HECW2: variants seen among roughly 807,000 people sequenced by gnomAD.
HECW2 encodes the protein E3 ubiquitin-protein ligase HECW2.
Under a neutral mutation model 175.2 loss-of-function variants are expected in HECW2, and 61 were observed. That is an observed-to-expected ratio of 0.35 (90% CI 0.28 to 0.43). The LOEUF is 0.43. Among genes scored for constraint, HECW2 ranks in the 20% least tolerant of loss-of-function variants. The probability of loss-of-function intolerance (pLI) is 1.00; values close to 1 mark genes in which losing one functional copy is unlikely to be tolerated. For synonymous variants in HECW2, 671 were observed against 731.0 expected, an observed-to-expected ratio of 0.92 and a Z score of 1.32; for missense variants, 1,524 against 2,000.5, an observed-to-expected ratio of 0.76 and a Z score of 4.54.
At chr2:196,543,555 T>C (rs1201939630) in intron 1 of HECW2, among the ~76,000 whole-genome samples, 1 of 152,182 alleles carries the variant, frequency 6.6e-6, no homozygotes, top group Non-Finnish European at 1.5e-5. Context: ...CAGTATGTAA[T>C]CAGCCTTTGT....
Position 196,343,840 on chromosome 2 carries a change from T to C in HECW2, c.293-76A>G. 3.2e-6 allele frequency: 3 copies of C among 923,740 alleles called. No individual in the cohort carries two copies. In the South Asian group the frequency reaches 4.2e-5, roughly 13 times the overall value. 57.2% of individuals were successfully genotyped at this position (923,740 alleles called of 1,614,324 possible). A position where few individuals can be genotyped will look rare whatever the true frequency, so the allele number is the denominator to read the frequency against. On this transcript the variant is annotated intron_variant, in intron 2 of 28. Transcript: ENST00000644978. The stretch of plus-strand genomic sequence containing the variant: ...GTAGCAGGAAGATTAACATAAGTTC[T>C]AAAATAAATGGAAAAAAGATAAATG...
intron 2 of HECW2, among the ~76,000 whole-genome samples, chr2:196,431,417 C>T (rs1359627090): frequency 1.3e-5 from 2 of 151,994 alleles, no homozygotes; most frequent in African/African-American, 2.4e-5. Flanking sequence ...TTAAGTTATT[C>T]GTACACAAAA....
chr2:196,511,420 T>C (rs1687949194), intron 1 of HECW2, among the ~76,000 whole-genome samples: 1 of 152,196 alleles, frequency 6.6e-6, no homozygotes, highest in Non-Finnish European at 1.5e-5. Context: ...ACAAATTAAT[T>C]CCACAACCTA....
intron 10 of HECW2, among the ~76,000 whole-genome samples, chr2:196,309,038 T>C (rs945376098): frequency 2.0e-5 from 3 of 152,176 alleles, no homozygotes; most frequent in Admixed American, 6.5e-5. Context: ...CATTCAACTA[T>C]CCCAAAACTG....
intron 2 of HECW2, among the ~76,000 whole-genome samples, chr2:196,348,149 C>T (rs796295096): frequency 5.3e-5 from 8 of 152,302 alleles, no homozygotes; most frequent in East Asian, 1.9e-4. Flanking sequence ...TCTTTGTTTA[C>T]GTTGCAGTCA....
At chr2:196,391,847 G>A (rs1694520522) in intron 2 of HECW2, among the ~76,000 whole-genome samples, 1 of 152,190 alleles carries the variant, frequency 6.6e-6, no homozygotes, top group Non-Finnish European at 1.5e-5. Context: ...CCTAGCTTCT[G>A]ATGGTTGTTG....
chr2:196,544,392 A>G (rs1382937526), intron 1 of HECW2, among the ~76,000 whole-genome samples: 1 of 152,172 alleles, frequency 6.6e-6, no homozygotes. Context: ...TCAGTGTGAA[A>G]GGGAAAGGAA....
At chr2:196,509,701 C>T (rs778446439) in intron 1 of HECW2, among the ~76,000 whole-genome samples, 3 of 152,206 alleles carry the variant, frequency 2.0e-5, no homozygotes, top group Non-Finnish European at 1.5e-5. Context: ...ATAAAAAGGA[C>T]ATACAACTCA....
chr2:196,255,004 A>C (rs1689001485), intron 18 of HECW2, among the ~76,000 whole-genome samples: 1 of 142,524 alleles, frequency 7.0e-6, no homozygotes, highest in Non-Finnish European at 1.5e-5. Context: ...GACAGAGTCT[A>C]GCTCTGTTGC....
intron 1 of HECW2, among the ~76,000 whole-genome samples, chr2:196,478,000 C>T (rs1476511004): frequency 1.3e-5 from 2 of 151,904 alleles, no homozygotes; most frequent in Non-Finnish European, 2.9e-5. Context: ...TGCAGTGAGC[C>T]GAGATCATGC....
chr2:196,573,178 A>G (rs2125517007), intron 1 of HECW2, among the ~76,000 whole-genome samples: 1 of 151,916 alleles, frequency 6.6e-6, no homozygotes, highest in Non-Finnish European at 1.5e-5. Flanking sequence ...AGAGGGGAAA[A>G]CACTTTCAGA....
chr2:196,211,987 C>T (rs1039846499), intron 28 of HECW2, among the ~76,000 whole-genome samples: 5 of 152,180 alleles, frequency 3.3e-5, no homozygotes, highest in Non-Finnish European at 5.9e-5. Context: ...TAGGCGTATG[C>T]CACCACGCCC....
chr2:196,235,949 G>C (rs773987067), intron 21 of HECW2, among the ~76,000 whole-genome samples: 10 of 152,038 alleles, frequency 6.6e-5, no homozygotes, highest in Non-Finnish European at 1.3e-4. Flanking sequence ...GAGCCACTGT[G>C]CCCGGCCGAT....
Position 196,307,930 on chromosome 2 carries a change from C to T in HECW2, c.2585+5G>A. The stretch of plus-strand genomic sequence containing the variant: ...CAACAGTCACAGCAAAATGTTCATC[C>T]TCACCGCCGGTTCAGCTGCTCCATT... On this transcript the variant is annotated splice_donor_5th_base_variant and intron_variant, in intron 11 of 28. Coordinates refer to ENST00000644978, the MANE Select transcript of HECW2 (RefSeq NM_001348768.2). 6.6e-7 allele frequency: 1 copy of T among 1,524,060 alleles called. No individual in the cohort carries two copies. The highest frequency in any genetic ancestry group is 1.3e-5 in the South Asian group (1 of 78,952). The allele number at this position is 1,524,060 out of a possible 1,614,324, so 94.4% of individuals were successfully genotyped here.
intron 21 of HECW2, among the ~76,000 whole-genome samples, chr2:196,238,109 G>T (rs1482214679): frequency 1.3e-5 from 2 of 152,178 alleles, no homozygotes; most frequent in African/African-American, 2.4e-5. Context: ...TGTGCCTGTA[G>T]TTCCAGCTAC....
chr2:196,422,093 T>C (rs1233645884), intron 2 of HECW2, among the ~76,000 whole-genome samples: 1 of 152,176 alleles, frequency 6.6e-6, no homozygotes, highest in African/African-American at 2.4e-5. Flanking sequence ...GCCCTGGGTA[T>C]GCCTGCTCAT....
rs1325274516 is a variant in HECW2, at chr2:196,343,678, G to C, written c.379C>G (p.Pro127Ala). Residue 127 changes from proline (P) to alanine (A), a missense_variant, in exon 3 of 29, where the codon CCT becomes GCT. Physicochemically the swap from Pro to Ala is conservative, Grantham distance 27. Transcript: ENST00000644978. ...TTACGTTCCATGAAATAGGGCCCAG[G>C]CTCAATTCTCCATACAATTTGCCCT... ...QKGQIVWRIE[P>A]GPYFMEPEIK... 6.2e-7 allele frequency: 1 copy of C among 1,611,576 alleles called. No homozygotes were observed. The highest frequency in any genetic ancestry group is 8.5e-7 in the Non-Finnish European group (1 of 1,177,960).
intron 28 of HECW2, among the ~76,000 whole-genome samples, chr2:196,209,826 C>G (rs1375644645): frequency 1.3e-5 from 2 of 149,516 alleles, no homozygotes; most frequent in Non-Finnish European, 3.0e-5. Flanking sequence ...CGCAGTGGTG[C>G]GATCTCGGCT....
intron 1 of HECW2, among the ~76,000 whole-genome samples, chr2:196,579,772 A>C (rs1256213348): frequency 6.6e-6 from 1 of 152,160 alleles, no homozygotes; most frequent in Non-Finnish European, 1.5e-5. Context: ...ATTCTGACAC[A>C]CAGATAGACA....
Sources: gnomAD v4.1 joint callset for allele counts (sites outside exome capture counted in the v4.1 genomes callset) on GRCh38, gnomAD v4.1.1 for gene constraint, MANE v1.5 for transcripts, NCBI Gene and HGNC (gene_info 2026-07-23, HGNC 2026-07-21) for gene names.